The following SRP14 variants were observed in gnomAD, a reference collection of about 807,000 sequenced individuals.
SRP14 encodes the protein signal recognition particle 14, also known as signal recognition particle 14 kDa protein.
Under a neutral mutation model 16.0 loss-of-function variants are expected in SRP14, and 1 was observed. The observed-to-expected ratio is 0.06, with a 90% CI of 0.02 to 0.30. SRP14 has a LOEUF of 0.30. SRP14 is among the 10% of genes least tolerant of loss of function. The probability of loss-of-function intolerance (pLI) is 1.00; values close to 1 mark genes in which losing one functional copy is unlikely to be tolerated. For synonymous variants in SRP14, 67 were observed against 60.1 expected (o/e 1.12, Z -0.53); for missense variants, 120 against 163.1 (o/e 0.74, Z 1.44).
At chr15:40,036,589 C>CA in intron 4 of SRP14, 89 bp from the exon 5 acceptor site, 1 of 1,315,700 alleles carries the variant, frequency 7.6e-7, no homozygotes, top group Non-Finnish European at 1.1e-6. Context: ...TTAGGGTAGC[C>CA]AAAAATCAGG....
chr15:40,037,286 A>AAAAAAAAAAAAAAAAAAAAAC, intron 3 of SRP14: 1 of 1,353,098 alleles, frequency 7.4e-7, no homozygotes, highest in Non-Finnish European at 9.5e-7. Flanking sequence ...GGGGAAAAAA[A>AAAAAAAAAAAAAAAAAAAAAC]AAAAAAAAGC....
At position 40,038,963 on chromosome 15, in the gene SRP14, G is replaced by T; in HGVS notation, c.25-15C>A. The T allele has an allele frequency of 6.2e-7, 1 of 1,609,890 alleles. No homozygotes were observed. The highest frequency in any genetic ancestry group is 1.7e-5 in the Admixed American group (1 of 59,464). ...TCCGTCAGGAACTGGAAAACAACAG[G>T]CCCAGCCCCGTTAGCCAGCCCCAAA... On this transcript the variant is annotated splice_polypyrimidine_tract_variant and intron_variant, in intron 1 of 4. Coordinates refer to ENST00000267884, the MANE Select transcript of SRP14 (RefSeq NM_003134.6).
Position 40,039,170 on chromosome 15 carries a change from G to A in SRP14, c.-54C>T, listed in dbSNP as rs2035682541. On this transcript the variant is annotated 5_prime_UTR_variant, in exon 1 of 5. Transcript: ENST00000267884. ...CTTAAGCCCCTAGCAGTGAGAGCCG[G>A]AAGTTCGGCCTAGGCTGGGCGGGAC... 1.3e-6 allele frequency: 2 copies of A among 1,587,466 alleles called. No individual in the cohort carries two copies. The highest frequency in any genetic ancestry group is 1.1e-5 in the South Asian group (1 of 87,782).
intron 4 of SRP14, 56 bp downstream of exon 4, chr15:40,036,930 C>T (rs745445460): frequency 6.3e-7 from 1 of 1,592,932 alleles, no homozygotes; most frequent in Non-Finnish European, 8.6e-7. Flanking sequence ...CCAGTGTTCA[C>T]TATCATACTG....
chr15:40,036,873 G>A (rs372322414), intron 4 of SRP14, 113 bp downstream of exon 4: 1 of 1,227,482 alleles, frequency 8.1e-7, no homozygotes. Context: ...GAAACATACT[G>A]GTAAAACTTA....
In SRP14 at chr15:40,039,154, C is replaced by G. The variant is rs1283740091; in HGVS notation, c.-38G>C. On this transcript the variant is annotated 5_prime_UTR_variant, in exon 1 of 5. Coordinates refer to ENST00000267884, the MANE Select transcript of SRP14 (RefSeq NM_003134.6). Reference sequence around the variant, plus strand: ...GGCTCGACTCCCTCCGCTTAAGCCCCTAGCAGTGAGAGCCGGAAGTTCGGC... The same window carrying G: ...GGCTCGACTCCCTCCGCTTAAGCCCGTAGCAGTGAGAGCCGGAAGTTCGGC... 3.7e-6 allele frequency: 6 copies of G among 1,600,934 alleles called. No homozygotes were observed. The highest frequency in any genetic ancestry group is 5.1e-6 in the Non-Finnish European group (6 of 1,175,700).
chr15:40,038,171 C>T, intron 3 of SRP14, 111 bp downstream of exon 3: 2 of 825,964 alleles, frequency 2.4e-6, no homozygotes, highest in African/African-American at 3.4e-5. Context: ...TCAAAAATAG[C>T]CACACAGGGC....
Position 40,038,932 on chromosome 15 carries a change from G to A in SRP14, c.41C>T (p.Thr14Ile). ...CGTCCGGCACTTCTGGAAAAGTCTG[G>A]TCAGCTCCGTCAGGAACTGGAAAAC... ...LESEQFLTEL[T>I]RLFQKCRTSG... The change falls in exon 2 of 5, where the codon ACC (threonine) becomes ATC (isoleucine). Residue 14 changes from threonine (T) to isoleucine (I), a missense_variant. Physicochemically the swap from Thr to Ile is moderately conservative, Grantham distance 89. Around this residue, in one of 3 missense-constraint regions of SRP14, gnomAD observed 33 missense variants for 33.0 expected, o/e 1.00. Coordinates refer to ENST00000267884, the MANE Select transcript of SRP14 (RefSeq NM_003134.6). The A allele has an allele frequency of 6.2e-7, 1 of 1,612,914 alleles. No individual in the cohort carries two copies. Among genetic ancestry groups the A allele is most frequent in the Non-Finnish European group, 8.5e-7 (1 of 1,179,536 alleles).
chr15:40,036,943 T>A (rs1207568754), intron 4 of SRP14, 43 bp downstream of exon 4: 1 of 1,608,974 alleles, frequency 6.2e-7, no homozygotes, highest in Admixed American at 1.7e-5. Context: ...TCATACTGAC[T>A]CTTGCCCTGA....
chr15:40,037,679 T>C (rs1442496025), intron 3 of SRP14, among the ~76,000 whole-genome samples: 1 of 23,808 alleles, frequency 4.2e-5, no homozygotes, highest in African/African-American at 9.4e-5. Context: ...CTTGTTTTAC[T>C]GTAGAAGTCC....
Position 40,036,607 on chromosome 15 carries a change from A to G in SRP14, c.244-107T>C, listed in dbSNP as rs1028601584. 5 of 1,102,666 alleles carry G rather than the reference A, an allele frequency of 4.5e-6. No individual in the cohort carries two copies. The Admixed American group carries it at 8.2e-5, about 18-fold the overall frequency. The allele number at this position is 1,102,666 out of a possible 1,614,324, so 68.3% of individuals were successfully genotyped here. A position where few individuals can be genotyped will look rare whatever the true frequency, so the allele number is the denominator to read the frequency against. ...GGGTAGCCAAAAATCAGGAAAGAATATAGCACCATTGGACACTTGTACCGG... is the reference window on the plus strand; with the variant it reads ...GGGTAGCCAAAAATCAGGAAAGAATGTAGCACCATTGGACACTTGTACCGG... On this transcript the variant is annotated intron_variant, in intron 4 of 4. Coordinates refer to ENST00000267884, the MANE Select transcript of SRP14 (RefSeq NM_003134.6).
intron 3 of SRP14, chr15:40,037,278 G>GCAAAAAAAAAAAAAAA: frequency 5.2e-6 from 1 of 193,390 alleles, no homozygotes; most frequent in Non-Finnish European, 6.7e-6. Flanking sequence ...CTCCTTTTGG[G>GCAAAAAAAAAAAAAAA]GAAAAAAAAA....
rs375009567 is a variant in SRP14, at chr15:40,039,122, C to A, written c.-6G>T. 2.4e-5 allele frequency: 39 copies of A among 1,611,046 alleles called. No homozygotes were observed. The African/African-American group carries it at 4.4e-4, about 18-fold the overall frequency. On this transcript the variant is annotated 5_prime_UTR_variant, in exon 1 of 5. Transcript: ENST00000267884. ...TCGCTCTCCAACAACACCATCGCGG[C>A]GACGCTGGCTCGACTCCCTCCGCTT...
In SRP14 at chr15:40,036,831, C is replaced by T. The variant is rs747469620; in HGVS notation, c.243+155G>A. 6.8e-4 allele frequency: 560 copies of T among 828,164 alleles called. 3 individuals carry two copies. Among genetic ancestry groups the T allele is most frequent in the Non-Finnish European group, 7.9e-4 (397 of 500,780 alleles). The allele number at this position is 828,164 out of a possible 1,614,324, so 51.3% of individuals were successfully genotyped here. A position where few individuals can be genotyped will look rare whatever the true frequency, so the allele number is the denominator to read the frequency against. ...AAACTAGAAAGGAAGACGGTATTAG[C>T]ATTGAAATTCACACCCTGGCAGCTT... On this transcript the variant is annotated intron_variant, in intron 4 of 4. Transcript: ENST00000267884.
In SRP14 at chr15:40,037,031, G is replaced by T. The variant is rs1447906751; in HGVS notation, c.211-13C>A. 5.6e-6 allele frequency: 9 copies of T among 1,606,002 alleles called. No individual in the cohort carries two copies. Among genetic ancestry groups the T allele is most frequent in the African/African-American group, 2.7e-5 (2 of 73,870 alleles). ...CCTTGGAGCTCACCTGAAAAAGAAG[G>T]AAAAAAGAGGTCATACCTATTATCC... On this transcript the variant is annotated splice_polypyrimidine_tract_variant and intron_variant, in intron 3 of 4. Transcript: ENST00000267884.
intron 3 of SRP14, chr15:40,037,279 G>GTTAAAAAAAAAAA: frequency 1.3e-6 from 1 of 740,792 alleles, no homozygotes; most frequent in Non-Finnish European, 1.7e-6. Context: ...TCCTTTTGGG[G>GTTAAAAAAAAAAA]AAAAAAAAAA....
chr15:40,037,086 A>G (rs370283489), intron 3 of SRP14, 68 bp from the exon 4 acceptor site: 23 of 1,547,366 alleles, frequency 1.5e-5, no homozygotes, highest in Non-Finnish European at 2.0e-5. Flanking sequence ...CACCCCAGAT[A>G]GTATCTCAAA....
At chr15:40,038,804 C>G (rs2140957669) in intron 2 of SRP14, 72 bp downstream of exon 2, 1 of 1,539,938 alleles carries the variant, frequency 6.5e-7, no homozygotes. Context: ...CGGTCCGCGG[C>G]AGACAGACTC....
intron 2 of SRP14, 112 bp downstream of exon 2, chr15:40,038,764 T>C (rs2035671602): frequency 4.2e-6 from 5 of 1,181,306 alleles, no homozygotes; most frequent in Non-Finnish European, 4.9e-6. Flanking sequence ...ATGTGCTCAG[T>C]ACAGGGTGGG....
Sources: allele counts gnomAD v4.1 joint callset (sites outside exome capture counted in the v4.1 genomes callset), GRCh38; gene constraint gnomAD v4.1.1; regional missense constraint gnomAD v4.1.1; transcripts MANE v1.5; gene names NCBI Gene and HGNC (gene_info 2026-07-23, HGNC 2026-07-21).